Variants in AGAP1 observed in about 807,000 individuals in gnomAD.
The protein encoded by AGAP1 is ArfGAP with GTPase domain, ankyrin repeat and PH domain 1.
A neutral mutation model predicts 105.3 loss-of-function variants in AGAP1; 29 were observed. The observed-to-expected ratio is 0.28, with a 90% CI of 0.21 to 0.38. The LOEUF (loss-of-function observed/expected upper bound fraction) is 0.38, where lower values mean the gene tolerates loss of function less well. Ranked by LOEUF, AGAP1 falls within the 10% of genes least tolerant of loss-of-function variation. The pLI is 1.00. For missense variants in AGAP1, 998 were observed against 1,165.1 expected, an observed-to-expected ratio of 0.86 and a Z score of 2.09; for synonymous variants, 509 against 485.9, an observed-to-expected ratio of 1.05 and a Z score of -0.63.
chr2:235,711,852 A>G (rs1381635615), intron 2 of AGAP1, among the ~76,000 whole-genome samples: 1 of 152,184 alleles, frequency 6.6e-6, no homozygotes, highest in African/African-American at 2.4e-5. Flanking sequence ...TCAGCGTCTC[A>G]GGAACCCAGC....
In AGAP1 at chr2:236,042,418, T is replaced by C. The variant is rs942597051; in HGVS notation, c.1891+1577T>C. On this transcript the variant is annotated intron_variant, in intron 15 of 17. Coordinates refer to ENST00000304032, the MANE Select transcript of AGAP1 (RefSeq NM_001037131.3). This position sits in a 1 kb window ranked among gnomAD's most constrained non-coding sequence, Gnocchi z 5.6. ...TTCTTCTTTAAAGTACCTCCTTATG[T>C]TTGAATGTTTAAGTTTTACTTTCAA... 6.6e-6 allele frequency among the ~76,000 whole-genome samples: 1 copy of C among 152,232 alleles called. No individual in the cohort carries two copies. Among genetic ancestry groups the C allele is most frequent in the African/African-American group, 2.4e-5 (1 of 41,460 alleles).
At position 235,670,835 on chromosome 2, in the gene AGAP1, C is replaced by T. The variant is rs1023822886; in HGVS notation, c.164-38344C>T. On this transcript the variant is annotated intron_variant, in intron 1 of 17. Coordinates refer to ENST00000304032, the MANE Select transcript of AGAP1 (RefSeq NM_001037131.3). ...CACGCTGGACAACAGCGACCTGCAG[C>T]GGCTGGAGCGCGCGCGGGCGGCGGC... 26 of 1,317,262 alleles carry T rather than the reference C, an allele frequency of 2.0e-5. No homozygotes were observed. In the Middle Eastern group the frequency reaches 7.2e-4, roughly 37 times the overall value. The allele number at this position is 1,317,262 out of a possible 1,614,324, so 81.6% of individuals were successfully genotyped here. A position where few individuals can be genotyped will look rare whatever the true frequency, so the allele number is the denominator to read the frequency against.
chr2:235,943,384 C>G (rs941962827), intron 12 of AGAP1, among the ~76,000 whole-genome samples: 6 of 28,288 alleles, frequency 2.1e-4, no homozygotes, highest in African/African-American at 4.5e-4. Context: ...TTTTTTTTGA[C>G]ACAGAGTTTC....
chr2:236,098,389 G>A (rs975809675), intron 16 of AGAP1, among the ~76,000 whole-genome samples: 1 of 152,076 alleles, frequency 6.6e-6, no homozygotes, highest in Admixed American at 6.6e-5. Context: ...TGAGCAACAT[G>A]ATGAAACTTC....
At position 235,959,009 on chromosome 2, in the gene AGAP1, C is replaced by T. The variant is rs372338637; in HGVS notation, c.1484-9453C>T. Among the ~76,000 whole-genome samples the T allele has an allele frequency of 2.0e-4, 30 of 152,288 alleles. No homozygotes were observed. Among genetic ancestry groups the T allele is most frequent in the Middle Eastern group, 3.4e-3 (1 of 294 alleles). On this transcript the variant is annotated intron_variant, in intron 12 of 17. Coordinates refer to ENST00000304032, the MANE Select transcript of AGAP1 (RefSeq NM_001037131.3). The surrounding 1 kb of genome is among the most constrained non-coding windows in gnomAD (Gnocchi z 7.3). ...GAACTAATGGCTGACATTGAATGTG[C>T]GGGATGGTGCCGGCCCATCCCGGCT...
intron 13 of AGAP1, among the ~76,000 whole-genome samples, chr2:236,025,419 G>A (rs1055727685): frequency 1.3e-5 from 2 of 152,090 alleles, no homozygotes; most frequent in Non-Finnish European, 1.5e-5. Flanking sequence ...GCAGCCCTTC[G>A]GGGCCATCGG....
intron 1 of AGAP1, among the ~76,000 whole-genome samples, chr2:235,564,811 C>G (rs112009078): frequency 7.6e-4 from 84 of 110,722 alleles, no homozygotes; most frequent in Non-Finnish European, 1.1e-3. Flanking sequence ...CCAGCACCCA[C>G]GGCCAGGTGT....
At chr2:235,763,989 T>TGCAGCTGTGATCCGTGC (rs141322604) in intron 6 of AGAP1, among the ~76,000 whole-genome samples, 31,398 of 142,232 alleles carry the variant, frequency 0.22, 3,859 homozygotes, top group Admixed American at 0.38. Flanking sequence ...AAGATCTGTG[T>TGCAGCTGTGATCCGTGC]GTGGCTGTGA....
In AGAP1 at chr2:235,958,851, A is replaced by G. The variant is rs2054059743; in HGVS notation, c.1484-9611A>G. Among the ~76,000 whole-genome samples the G allele has an allele frequency of 6.6e-6, 1 of 152,200 alleles. No individual in the cohort carries two copies. Among genetic ancestry groups the G allele is most frequent in the African/African-American group, 2.4e-5 (1 of 41,460 alleles). On this transcript the variant is annotated intron_variant, in intron 12 of 17. Transcript: ENST00000304032. This position sits in a 1 kb window ranked among gnomAD's most constrained non-coding sequence, Gnocchi z 4.1. Reference sequence around the variant, plus strand: ...TCTAGTCATGCTTGTCAGCTCTCCGAGTGAAAAGTGAAACTGCTTCTTTGA... The same window carrying G: ...TCTAGTCATGCTTGTCAGCTCTCCGGGTGAAAAGTGAAACTGCTTCTTTGA...
chr2:236,041,060 C>T (rs2057535354), intron 15 of AGAP1, among the ~76,000 whole-genome samples: 1 of 152,184 alleles, frequency 6.6e-6, no homozygotes, highest in South Asian at 2.1e-4. Context: ...GTGAGTCTTT[C>T]CTTGCCTTAG....
chr2:235,848,507 T>C (rs1961780225), intron 9 of AGAP1, among the ~76,000 whole-genome samples: 4 of 152,346 alleles, frequency 2.6e-5, no homozygotes, highest in South Asian at 4.1e-4. Flanking sequence ...AAGATTTGGG[T>C]TTAGCAAAAA....
rs919287916 is a variant in AGAP1 at position 236,095,005 on chromosome 2, G to A, written c.2115-25187G>A. On this transcript the variant is annotated intron_variant, in intron 16 of 17. Coordinates refer to ENST00000304032, the MANE Select transcript of AGAP1 (RefSeq NM_001037131.3). This position sits in a 1 kb window ranked among gnomAD's most constrained non-coding sequence, Gnocchi z 4.1. ...TCCCAGCTACTCTTGAGGATGAGAT[G>A]GGAGGATCACTTGAGCCCGGGAGGT... 1.4e-4 allele frequency among the ~76,000 whole-genome samples: 22 copies of A among 152,028 alleles called. No individual in the cohort carries two copies. Among genetic ancestry groups the A allele is most frequent in the African/African-American group, 5.3e-4 (22 of 41,464 alleles).
chr2:235,925,392 C>G (rs541821930), intron 11 of AGAP1, among the ~76,000 whole-genome samples: 1 of 152,140 alleles, frequency 6.6e-6, no homozygotes, highest in African/African-American at 2.4e-5. Flanking sequence ...AATTCTGTAG[C>G]AAAACGGCTG....
chr2:235,565,324 T>C (rs1405977625), intron 1 of AGAP1, among the ~76,000 whole-genome samples: 1 of 152,274 alleles, frequency 6.6e-6, no homozygotes, highest in Non-Finnish European at 1.5e-5. Context: ...TGACACTCTT[T>C]GTCCCTTGTC....
intron 9 of AGAP1, among the ~76,000 whole-genome samples, chr2:235,857,105 T>G (rs1479175025): frequency 6.6e-6 from 1 of 152,164 alleles, no homozygotes; most frequent in African/African-American, 2.4e-5. Context: ...GGCAGCCTGG[T>G]ACCAGTCTGT....
chr2:235,599,592 C>T lies in AGAP1; in HGVS notation c.163+104743C>T, dbSNP rs187025941. 2.1e-3 allele frequency among the ~76,000 whole-genome samples: 316 copies of T among 152,286 alleles called. 1 individual carries two copies. Among genetic ancestry groups the T allele is most frequent in the African/African-American group, 6.9e-3 (288 of 41,552 alleles). The stretch of plus-strand genomic sequence containing the variant: ...ATGGTCACTCTGCTTTGGAGAACTG[C>T]GGATCCCCTGCCATGGCCCATGTGG... On this transcript the variant is annotated intron_variant, in intron 1 of 17. Coordinates refer to ENST00000304032, the MANE Select transcript of AGAP1 (RefSeq NM_001037131.3). The surrounding 1 kb of genome is among the most constrained non-coding windows in gnomAD (Gnocchi z 5.3).
intron 1 of AGAP1, among the ~76,000 whole-genome samples, chr2:235,624,284 A>G (rs2149275429): frequency 6.6e-6 from 1 of 152,320 alleles, no homozygotes; most frequent in African/African-American, 2.4e-5. Context: ...ACACCTACAG[A>G]TACAGTGGAA....
chr2:235,973,668 A>G lies in AGAP1; in HGVS notation c.1645+5045A>G, dbSNP rs1021519074. Among the ~76,000 whole-genome samples the G allele has an allele frequency of 6.6e-6, 1 of 152,202 alleles. No homozygotes were observed. The highest frequency in any genetic ancestry group is 2.4e-5 in the African/African-American group (1 of 41,456). ...ACTTGTCCTGGATGGCCCAGGTGGT[A>G]ACCATGGGACCTGATGGGTGGAAGC... On this transcript the variant is annotated intron_variant, in intron 13 of 17. Coordinates refer to ENST00000304032, the MANE Select transcript of AGAP1 (RefSeq NM_001037131.3). This position sits in a 1 kb window ranked among gnomAD's most constrained non-coding sequence, Gnocchi z 4.7.
Position 235,709,819 on chromosome 2 carries a change from A to G in AGAP1, c.222+582A>G, listed in dbSNP as rs1396975787. On this transcript the variant is annotated intron_variant, in intron 2 of 17. Transcript: ENST00000304032. ...GTGTAAAAAGTGGTCCATCGCAGCC[A>G]CCCTTTCCAGCCGCTCCCCTCTACC... 6.6e-5 allele frequency among the ~76,000 whole-genome samples: 10 copies of G among 152,076 alleles called. No homozygotes were observed. The East Asian group carries it at 1.9e-3, about 29-fold the overall frequency.
Sources: gnomAD v4.1 joint callset for allele counts (sites outside exome capture counted in the v4.1 genomes callset) on GRCh38, gnomAD v4.1.1 for gene constraint, Gnocchi (gnomAD v3.1) non-coding constraint, MANE v1.5 for transcripts, NCBI Gene and HGNC (gene_info 2026-07-23, HGNC 2026-07-21) for gene names.